The following FRMD6 variants were observed in gnomAD, a reference collection of about 807,000 sequenced individuals.
FRMD6 encodes FERM domain-containing protein 6.
A neutral mutation model predicts 73.2 loss-of-function variants in FRMD6; 37 were observed. That is an observed-to-expected ratio of 0.51 (90% CI 0.39 to 0.66). The LOEUF is 0.66. Ranked by LOEUF, FRMD6 falls within the 30% of genes least tolerant of loss-of-function variation. The pLI is 0.00. For synonymous variants in FRMD6, 273 were observed against 282.2 expected (o/e 0.97, Z 0.33); for missense variants, 714 against 780.5 (o/e 0.91, Z 1.02).
intron 2 of FRMD6, among the ~76,000 whole-genome samples, chr14:51,623,941 G>T (rs1891025430): frequency 6.6e-6 from 1 of 152,174 alleles, no homozygotes; most frequent in African/African-American, 2.4e-5. Flanking sequence ...TGTGAATGTG[G>T]TACATATACA....
chr14:51,449,196 G>C, the FRMD6 span, among the ~76,000 whole-genome samples: 1 of 152,184 alleles, frequency 6.6e-6, no homozygotes, highest in East Asian at 1.9e-4. Flanking sequence ...TGACTTCAGA[G>C]GGAGTTTCCT....
At chr14:51,691,310 T>A (rs572028945) in intron 2 of FRMD6, among the ~76,000 whole-genome samples, 5 of 152,234 alleles carry the variant, frequency 3.3e-5, no homozygotes, top group Non-Finnish European at 7.3e-5. Flanking sequence ...GAACATGTTA[T>A]GTGTATGCAC....
intron 2 of FRMD6, among the ~76,000 whole-genome samples, chr14:51,582,729 G>T (rs1888796942): frequency 6.6e-6 from 1 of 152,132 alleles, no homozygotes; most frequent in Admixed American, 6.6e-5. Context: ...GGTTTGACTT[G>T]GTGGTGAGAA....
the FRMD6 span, among the ~76,000 whole-genome samples, chr14:51,407,947 TG>T: frequency 6.6e-6 from 1 of 152,216 alleles, no homozygotes; most frequent in African/African-American, 2.4e-5. Flanking sequence ...CTCAAATTTA[TG>T]GGCATAAACT....
rs865774300 is a variant in FRMD6, at chr14:51,696,765, A to T, written c.100-1377A>T. Among the ~76,000 whole-genome samples, 22 of 150,520 alleles carry T rather than the reference A, an allele frequency of 1.5e-4. 1 individual carries two copies. Among genetic ancestry groups the T allele is most frequent in the South Asian group, 2.1e-4 (1 of 4,760 alleles). The stretch of plus-strand genomic sequence containing the variant: ...CCCTGTCTCTACAAAAAAAAAAAAA[A>T]GTCGATTGAGACTCTGTCTTTAAAA... On this transcript the variant is annotated intron_variant, in intron 2 of 13. Transcript: ENST00000344768.
chr14:51,585,040 C>T (rs1442934113), intron 2 of FRMD6, among the ~76,000 whole-genome samples: 1 of 152,316 alleles, frequency 6.6e-6, no homozygotes, highest in Middle Eastern at 3.4e-3. Context: ...ACTCAATACA[C>T]AGTAGCTGTC....
At chr14:51,649,951 A>T (rs1038657707), upstream of FRMD6, 5 of 152,146 alleles carry the variant, frequency 3.3e-5, no homozygotes, top group African/African-American at 1.2e-4. Flanking sequence ...TTTTTAGTAG[A>T]AACAAGGTCT....
chr14:51,445,177 G>A, the FRMD6 span, among the ~76,000 whole-genome samples: 1 of 152,136 alleles, frequency 6.6e-6, no homozygotes, highest in African/African-American at 2.4e-5. Context: ...AGAGATGAAT[G>A]GTTCCTTCTG....
intron 2 of FRMD6, among the ~76,000 whole-genome samples, chr14:51,578,594 G>A (rs188080754): frequency 1.3e-5 from 2 of 152,288 alleles, no homozygotes; most frequent in East Asian, 3.9e-4. Flanking sequence ...GTGACATGCA[G>A]ACAAGGATCT....
At chr14:51,645,733 A>G (rs1201019383) in intron 2 of FRMD6, among the ~76,000 whole-genome samples, 1 of 152,054 alleles carries the variant, frequency 6.6e-6, no homozygotes, top group East Asian at 1.9e-4. Context: ...TACAGGCAGG[A>G]GCCACCACAT....
chr14:51,540,980 G>T (rs1886172245), intron 1 of FRMD6, among the ~76,000 whole-genome samples: 1 of 152,038 alleles, frequency 6.6e-6, no homozygotes, highest in African/African-American at 2.4e-5. Flanking sequence ...CACCATGCAA[G>T]AAGTACCCTC....
chr14:51,419,213 G>A, the FRMD6 span, among the ~76,000 whole-genome samples: 3 of 152,212 alleles, frequency 2.0e-5, no homozygotes, highest in Non-Finnish European at 4.4e-5. Context: ...CCCGTGAGAC[G>A]AACCAGGTAC....
the FRMD6 span, among the ~76,000 whole-genome samples, chr14:51,400,391 CT>C: frequency 6.6e-6 from 1 of 152,162 alleles, no homozygotes; most frequent in East Asian, 1.9e-4. Flanking sequence ...GCTTATTTCA[CT>C]TGGCATAATG....
chr14:51,723,313 G>C (rs1370100854), intron 12 of FRMD6, among the ~76,000 whole-genome samples: 1 of 152,074 alleles, frequency 6.6e-6, no homozygotes, highest in Non-Finnish European at 1.5e-5. Flanking sequence ...CAGTGCCTTT[G>C]GGAAGGGAGG....
Position 51,702,910 on chromosome 14 carries a change from T to C in FRMD6, c.371+322T>C, listed in dbSNP as rs568761766. Among the ~76,000 whole-genome samples, 5 of 152,170 alleles carry C rather than the reference T, an allele frequency of 3.3e-5. No individual in the cohort carries two copies. In the South Asian group the frequency reaches 8.3e-4, roughly 25 times the overall value. Reference sequence around the variant, plus strand: ...AAATCAGTCTCCAAAAAGATACTTATTTCAAGAAGAAACTAGCACTTTTGT... The same window carrying C: ...AAATCAGTCTCCAAAAAGATACTTACTTCAAGAAGAAACTAGCACTTTTGT... On this transcript the variant is annotated intron_variant, in intron 5 of 13. Transcript: ENST00000344768.
intron 1 of FRMD6, among the ~76,000 whole-genome samples, chr14:51,664,121 G>A (rs1893412181): frequency 6.6e-6 from 1 of 152,182 alleles, no homozygotes; most frequent in South Asian, 2.1e-4. Context: ...CAGCAATGGT[G>A]ATAGGTTTGA....
intron 1 of FRMD6, among the ~76,000 whole-genome samples, chr14:51,669,228 A>C (rs1295053350): frequency 6.6e-6 from 1 of 152,104 alleles, no homozygotes. Flanking sequence ...TGCACATATC[A>C]GTAGTTCCTC....
intron 1 of FRMD6, among the ~76,000 whole-genome samples, chr14:51,528,595 G>A (rs888746746): frequency 6.6e-6 from 1 of 152,046 alleles, no homozygotes; most frequent in African/African-American, 2.4e-5. Context: ...TTTTATCTCT[G>A]TCATTTATAT....
At chr14:51,525,494 G>A (rs895905101) in intron 1 of FRMD6, among the ~76,000 whole-genome samples, 4 of 151,650 alleles carry the variant, frequency 2.6e-5, no homozygotes, top group South Asian at 2.1e-4. Context: ...GTCTTGATCT[G>A]CTGACCTTGT....
Sources: gnomAD v4.1 joint callset for allele counts (sites outside exome capture counted in the v4.1 genomes callset) on GRCh38, gnomAD v4.1.1 for gene constraint, MANE v1.5 for transcripts, NCBI Gene and HGNC (gene_info 2026-07-23, HGNC 2026-07-21) for gene names.